The following VAT1L variants were observed in gnomAD, a reference collection of about 807,000 sequenced individuals.
The protein encoded by VAT1L is putative NADPH-dependent quinone oxidoreductase VAT1L.
VAT1L carries 34 observed loss-of-function variants against 44.1 expected under a neutral mutation model. The observed-to-expected ratio is 0.77, with a 90% CI of 0.59 to 1.03. The LOEUF is 1.03. Ranked by LOEUF, VAT1L falls within the 50% of genes least tolerant of loss-of-function variation. VAT1L has a pLI of 0.00. For missense variants in VAT1L, 615 were observed against 538.8 expected (o/e 1.14, Z -1.40); for synonymous variants, 253 against 202.2 (o/e 1.25, Z -2.13).
chr16:77,944,591 G>A (rs2017935919), intron 7 of VAT1L, among the ~76,000 whole-genome samples: 1 of 152,132 alleles, frequency 6.6e-6, no homozygotes, highest in South Asian at 2.1e-4. Context: ...GTATAAAATT[G>A]TTGTGAAGAT....
At chr16:77,933,139 A>G (rs2017751654) in intron 7 of VAT1L, among the ~76,000 whole-genome samples, 1 of 152,218 alleles carries the variant, frequency 6.6e-6, no homozygotes, top group Non-Finnish European at 1.5e-5. Flanking sequence ...GTCAGAAGAA[A>G]TTAATGTGAT....
At chr16:77,962,158 G>A (rs529676992) in intron 7 of VAT1L, among the ~76,000 whole-genome samples, 1 of 152,222 alleles carries the variant, frequency 6.6e-6, no homozygotes, top group South Asian at 2.1e-4. Flanking sequence ...CCCTGGGCAA[G>A]AGTGCAAATG....
intron 3 of VAT1L, among the ~76,000 whole-genome samples, chr16:77,832,768 A>G (rs2016594281): frequency 6.6e-6 from 1 of 152,226 alleles, no homozygotes; most frequent in South Asian, 2.1e-4. Context: ...GGAAGAATCT[A>G]TAAAGGGGGC....
At chr16:77,870,456 C>G (rs1024974221) in intron 4 of VAT1L, among the ~76,000 whole-genome samples, 1 of 152,192 alleles carries the variant, frequency 6.6e-6, no homozygotes, top group African/African-American at 2.4e-5. Context: ...GGGTTTCTCT[C>G]TAAGTACCGC....
chr16:77,914,381 C>T, intron 7 of VAT1L, among the ~76,000 whole-genome samples: 1 of 152,156 alleles, frequency 6.6e-6, no homozygotes, highest in East Asian at 1.9e-4. Flanking sequence ...TGCATTGTGT[C>T]CCAACCCCAC....
At chr16:77,793,905 G>A (rs1334622312) in intron 1 of VAT1L, among the ~76,000 whole-genome samples, 1 of 152,194 alleles carries the variant, frequency 6.6e-6, no homozygotes, top group African/African-American at 2.4e-5. Flanking sequence ...GCCAGGAACT[G>A]AGTTGGCTGC....
chr16:77,948,445 G>T (rs1344180983), intron 7 of VAT1L, among the ~76,000 whole-genome samples: 5 of 152,160 alleles, frequency 3.3e-5, no homozygotes, highest in Admixed American at 6.5e-5. Flanking sequence ...TAGCAATACG[G>T]TGTCACAGTT....
chr16:77,932,495 T>C (rs2017744055), intron 7 of VAT1L, among the ~76,000 whole-genome samples: 1 of 152,176 alleles, frequency 6.6e-6, no homozygotes, highest in Non-Finnish European at 1.5e-5. Flanking sequence ...TATACAGCAT[T>C]TTCCTACTTA....
At chr16:77,958,105 G>C (rs1183653828) in intron 7 of VAT1L, among the ~76,000 whole-genome samples, 1 of 152,022 alleles carries the variant, frequency 6.6e-6, no homozygotes, top group Non-Finnish European at 1.5e-5. Context: ...ATGAGCATTT[G>C]CCATGTGGGC....
At chr16:77,921,754 T>C (rs934925865) in intron 7 of VAT1L, among the ~76,000 whole-genome samples, 1 of 152,202 alleles carries the variant, frequency 6.6e-6, no homozygotes, top group Non-Finnish European at 1.5e-5. Context: ...ACACTTTTTT[T>C]TCTTTTTGAG....
chr16:77,974,685 C>T (rs2018316353), intron 8 of VAT1L, among the ~76,000 whole-genome samples: 2 of 152,168 alleles, frequency 1.3e-5, no homozygotes, highest in African/African-American at 4.8e-5. Context: ...ACCTCAGTCT[C>T]CTGAGTAGCT....
chr16:77,874,420 A>T (rs2017066056), intron 4 of VAT1L, among the ~76,000 whole-genome samples: 1 of 151,852 alleles, frequency 6.6e-6, no homozygotes, highest in Non-Finnish European at 1.5e-5. Context: ...GAAGCTCACC[A>T]ACCAAGAGTC....
intron 7 of VAT1L, among the ~76,000 whole-genome samples, chr16:77,966,485 C>T (rs549154970): frequency 1.4e-4 from 21 of 152,278 alleles, no homozygotes; most frequent in African/African-American, 5.1e-4. Context: ...GCCCAGTGAA[C>T]TTCAGATACA....
At chr16:77,810,831 CT>C (rs1290202057) in intron 1 of VAT1L, among the ~76,000 whole-genome samples, 16 of 152,314 alleles carry the variant, frequency 1.1e-4, no homozygotes, top group Admixed American at 5.9e-4. Flanking sequence ...GGAAAAAGTA[CT>C]GTCTTCATAA....
intron 7 of VAT1L, among the ~76,000 whole-genome samples, chr16:77,905,425 T>G (rs1374640324): frequency 6.6e-6 from 1 of 151,232 alleles, no homozygotes; most frequent in Non-Finnish European, 1.5e-5. Flanking sequence ...GACAGGGAGG[T>G]TTTTTCAGAA....
chr16:77,841,771 G>A (rs1303296323), intron 3 of VAT1L, among the ~76,000 whole-genome samples: 1 of 152,168 alleles, frequency 6.6e-6, no homozygotes, highest in African/African-American at 2.4e-5. Context: ...GGAACATGGT[G>A]GCAAAATGCG....
At position 77,879,062 on chromosome 16, in the gene VAT1L, C is replaced by T; in HGVS notation, c.827-107C>T. The T allele has an allele frequency of 8.8e-7, 1 of 1,140,048 alleles. No individual in the cohort carries two copies. Among genetic ancestry groups the T allele is most frequent in the Non-Finnish European group, 1.3e-6 (1 of 771,836 alleles). 70.6% of individuals were successfully genotyped at this position (1,140,048 alleles called of 1,614,324 possible). On this transcript the variant is annotated intron_variant, in intron 5 of 8. Transcript: ENST00000302536. This position sits in a 1 kb window ranked among gnomAD's most constrained non-coding sequence, Gnocchi z 4.1. ...GCCAAGGCTTAATTAAATTTGTTTT[C>T]AAGATTTCTCCAGTTCCGGACCAAA...
chr16:77,955,297 G>A (rs1273812973), intron 7 of VAT1L, among the ~76,000 whole-genome samples: 1 of 152,208 alleles, frequency 6.6e-6, no homozygotes, highest in Non-Finnish European at 1.5e-5. Flanking sequence ...TTGTCACAAC[G>A]GGGTAGCGCT....
intron 7 of VAT1L, among the ~76,000 whole-genome samples, chr16:77,969,141 A>C (rs549755925): frequency 2.7e-4 from 41 of 152,314 alleles, no homozygotes; most frequent in African/African-American, 9.6e-4. Context: ...CTTTAAAGCA[A>C]AATTAGGAAT....
Sources: gnomAD v4.1 joint callset for allele counts (sites outside exome capture counted in the v4.1 genomes callset) on GRCh38, gnomAD v4.1.1 for gene constraint, Gnocchi (gnomAD v3.1) non-coding constraint, MANE v1.5 for transcripts, NCBI Gene and HGNC (gene_info 2026-07-23, HGNC 2026-07-21) for gene names.